ADAM32: variants seen among roughly 807,000 people sequenced by gnomAD.
The protein encoded by ADAM32 is ADAM metallopeptidase domain 32, also known as disintegrin and metalloproteinase domain-containing protein 32.
In ADAM32, 89 loss-of-function variants were observed where a neutral mutation model predicts 114.9. The observed-to-expected ratio is 0.77, with a 90% CI of 0.65 to 0.92. The LOEUF (loss-of-function observed/expected upper bound fraction) is 0.92. ADAM32 is among the 40% of genes least tolerant of loss of function. The probability of loss-of-function intolerance (pLI) is 0.00; values close to 1 mark genes in which losing one functional copy is unlikely to be tolerated. For missense variants in ADAM32, 870 were observed against 932.8 expected (o/e 0.93, Z 0.88); for synonymous variants, 285 against 307.5 (o/e 0.93, Z 0.77).
At chr8:39,169,884 A>G (rs2129446413) in intron 9 of ADAM32, 32 bp from the exon 10 acceptor site, 2 of 1,441,330 alleles carry the variant, frequency 1.4e-6, no homozygotes, top group Middle Eastern at 2.4e-4. Context: ...TGTCTGTTAA[A>G]ATCAATTATA....
At chr8:39,280,720 G>A (rs1332351684) in intron 22 of ADAM32, among the ~76,000 whole-genome samples, 1 of 152,086 alleles carries the variant, frequency 6.6e-6, no homozygotes, top group Non-Finnish European at 1.5e-5. Context: ...CATTCTCAAA[G>A]TAGGCAAGCT....
At chr8:39,180,739 ACT>A (rs1805819567) in intron 10 of ADAM32, among the ~76,000 whole-genome samples, 1 of 150,878 alleles carries the variant, frequency 6.6e-6, no homozygotes, top group Admixed American at 6.6e-5. Context: ...ACCAATTGAC[ACT>A]CTGTATCTAG....
At chr8:39,192,069 G>C (rs1162676432) in intron 11 of ADAM32, among the ~76,000 whole-genome samples, 1 of 152,162 alleles carries the variant, frequency 6.6e-6, no homozygotes. Flanking sequence ...TCCAGAACTT[G>C]TTTTTGGTCC....
intron 22 of ADAM32, among the ~76,000 whole-genome samples, chr8:39,277,757 C>T (rs931989716): frequency 2.8e-4 from 43 of 152,354 alleles, no homozygotes; most frequent in African/African-American, 8.7e-4. Flanking sequence ...TTTTGGGCGC[C>T]GGCAGGGGCG....
intron 19 of ADAM32, among the ~76,000 whole-genome samples, chr8:39,265,653 A>G (rs938194082): frequency 1.3e-5 from 2 of 152,046 alleles, no homozygotes; most frequent in African/African-American, 4.8e-5. Flanking sequence ...AGATTTGATT[A>G]TATATTTGCT....
intron 17 of ADAM32, among the ~76,000 whole-genome samples, 189 bp from the exon 18 acceptor site, chr8:39,254,225 C>CTTTTTTTTTTTT (rs59048344): frequency 1.6e-5 from 2 of 125,356 alleles, no homozygotes; most frequent in Non-Finnish European, 1.7e-5. Flanking sequence ...CTTTATAGTT[C>CTTTTTTTTTTTT]TTTTTTTTTT....
chr8:39,228,696 A>G (rs557252741), intron 14 of ADAM32, among the ~76,000 whole-genome samples: 1 of 152,212 alleles, frequency 6.6e-6, no homozygotes, highest in Non-Finnish European at 1.5e-5. Context: ...TAAATGATCA[A>G]GCCTAAGAAT....
At chr8:39,114,202 G>C (rs1469545008) in intron 1 of ADAM32, among the ~76,000 whole-genome samples, 2 of 152,160 alleles carry the variant, frequency 1.3e-5, no homozygotes, top group African/African-American at 4.8e-5. Context: ...TGTCAGTTCA[G>C]AGTCAGTAAA....
intron 14 of ADAM32, among the ~76,000 whole-genome samples, chr8:39,230,058 T>C (rs911041608): frequency 2.6e-5 from 4 of 152,172 alleles, no homozygotes; most frequent in Non-Finnish European, 5.9e-5. Flanking sequence ...CATGCACACC[T>C]ATCTATGACA....
intron 12 of ADAM32, among the ~76,000 whole-genome samples, chr8:39,218,889 C>T (rs950543925): frequency 6.6e-6 from 1 of 152,072 alleles, no homozygotes; most frequent in Non-Finnish European, 1.5e-5. Context: ...CTGAAGTCAG[C>T]ATGACTAAGT....
chr8:39,114,306 A>G (rs1310089110), intron 1 of ADAM32, among the ~76,000 whole-genome samples: 2 of 152,214 alleles, frequency 1.3e-5, no homozygotes, highest in Non-Finnish European at 2.9e-5. Context: ...CTGCAGGGGA[A>G]GATTCGCAGC....
intron 6 of ADAM32, among the ~76,000 whole-genome samples, chr8:39,153,642 C>T (rs1272783852): frequency 6.6e-6 from 1 of 152,130 alleles, no homozygotes; most frequent in Non-Finnish European, 1.5e-5. Flanking sequence ...AACTTACACA[C>T]CAGATTTTCT....
Position 39,201,672 on chromosome 8 carries a change from C to G in ADAM32, c.1053-9472C>G, listed in dbSNP as rs181010847. On this transcript the variant is annotated intron_variant, in intron 11 of 24. Coordinates refer to ENST00000379907, the MANE Select transcript of ADAM32 (RefSeq NM_145004.7). ...AGAACTTCCAACAGTATGTTGAATA[C>G]GAGTGGTAAGAGAGGGCATCCCTGT... 8.6e-4 allele frequency among the ~76,000 whole-genome samples: 131 copies of G among 152,170 alleles called. 1 individual carries two copies. In the Middle Eastern group the frequency reaches 0.01, roughly 12 times the overall value.
At chr8:39,193,824 C>T (rs1399602206) in intron 11 of ADAM32, among the ~76,000 whole-genome samples, 3 of 152,146 alleles carry the variant, frequency 2.0e-5, no homozygotes, top group Non-Finnish European at 2.9e-5. Context: ...TAGTATCATG[C>T]CCCAGCTTTG....
In ADAM32 at chr8:39,187,059, A is replaced by G. The variant is rs756536590; in HGVS notation, c.1052+14A>G. The G allele has an allele frequency of 3.2e-6, 5 of 1,585,648 alleles. No individual in the cohort carries two copies. Among genetic ancestry groups the G allele is most frequent in the Admixed American group, 1.8e-5 (1 of 55,022 alleles). ...TCCAGAAGTTGTGTAAGTTTTAACA[A>G]TTTATTTATTGCTTATGTTTATTTC... On this transcript the variant is annotated intron_variant, in intron 11 of 24. Transcript: ENST00000379907.
intron 3 of ADAM32, among the ~76,000 whole-genome samples, chr8:39,137,500 T>C (rs1802871549): frequency 1.3e-5 from 2 of 152,104 alleles, no homozygotes; most frequent in African/African-American, 4.8e-5. Context: ...GCGCGGTGGC[T>C]TTCGTCTGTA....
Position 39,281,158 on chromosome 8 carries a change from GA to G in ADAM32, c.2304del (p.Ala769HisfsTer?). The G allele has an allele frequency of 7.3e-7, 1 of 1,373,570 alleles. No individual in the cohort carries two copies. The highest frequency in any genetic ancestry group is 9.6e-7 in the Non-Finnish European group (1 of 1,039,988). The allele number at this position is 1,373,570 out of a possible 1,614,324, so 85.1% of individuals were successfully genotyped here. A position where few individuals can be genotyped will look rare whatever the true frequency, so the allele number is the denominator to read the frequency against. Reference protein sequence around the residue: ...TSKSKSEDSAEAYTSRSKSQD... With the variant: ...TSKSKSEDSAXAYTSRSKSQD... ...TAGATCCAAATCAGAAGATAGTGCTGAAGCATATACTAGCAGGTAAGCAGGA... is the reference window on the plus strand; with the variant it reads ...TAGATCCAAATCAGAAGATAGTGCTGAGCATATACTAGCAGGTAAGCAGGA... On this transcript the variant is annotated frameshift_variant, in exon 23 of 25. Transcript: ENST00000379907. LOFTEE classifies it high-confidence loss of function.
At chr8:39,184,942 G>A (rs558083670) in intron 10 of ADAM32, among the ~76,000 whole-genome samples, 2 of 152,212 alleles carry the variant, frequency 1.3e-5, no homozygotes, top group South Asian at 2.1e-4. Context: ...AAGCTGTGCC[G>A]CATGGCCTGT....
At chr8:39,254,550 A>G in intron 18 of ADAM32, 34 bp downstream of exon 18, 2 of 1,443,690 alleles carry the variant, frequency 1.4e-6, no homozygotes, top group Non-Finnish European at 1.9e-6. Flanking sequence ...CCCATTTAAT[A>G]AAATTCTCAA....
Sources: gnomAD v4.1 joint callset for allele counts (sites outside exome capture counted in the v4.1 genomes callset) on GRCh38, gnomAD v4.1.1 for gene constraint, MANE v1.5 for transcripts, NCBI Gene and HGNC (gene_info 2026-07-23, HGNC 2026-07-21) for gene names.